The following SLC2A12 variants were observed in gnomAD, a reference collection of about 807,000 sequenced individuals.
SLC2A12 encodes the protein solute carrier family 2, facilitated glucose transporter member 12.
Under a neutral mutation model 41.8 loss-of-function variants are expected in SLC2A12, and 23 were observed. The ratio of observed to expected loss-of-function variants is 0.55; its 90% CI spans 0.40 to 0.78. The LOEUF is 0.78. SLC2A12 is among the 30% of genes least tolerant of loss of function. The pLI is 0.00. For missense variants in SLC2A12, 654 were observed against 745.6 expected (o/e 0.88, Z 1.43); for synonymous variants, 295 against 285.9 (o/e 1.03, Z -0.32).
chr6:134,008,307 A>G (rs751710123), intron 2 of SLC2A12, among the ~76,000 whole-genome samples: 3 of 152,240 alleles, frequency 2.0e-5, no homozygotes, highest in Non-Finnish European at 2.9e-5. Context: ...TGCTGCTTTA[A>G]AAGAAGAAAA....
chr6:134,037,700 AC>A (rs1233309318), intron 1 of SLC2A12, among the ~76,000 whole-genome samples: 5 of 152,066 alleles, frequency 3.3e-5, no homozygotes, highest in Admixed American at 1.3e-4. Flanking sequence ...CCAAGGTTTT[AC>A]AGCACCCTGG....
intron 2 of SLC2A12, among the ~76,000 whole-genome samples, chr6:134,016,984 C>G (rs1391484715): frequency 1.5e-5 from 2 of 133,140 alleles, no homozygotes; most frequent in African/African-American, 5.5e-5. Context: ...TTCCTCCAAT[C>G]TTTTTGGTAA....
rs371680880 is a variant in SLC2A12 at position 134,034,181 on chromosome 6, T to C, written c.104-4460A>G. Among the ~76,000 whole-genome samples the C allele has an allele frequency of 4.0e-4, 61 of 152,352 alleles. No homozygotes were observed. In the Middle Eastern group the frequency reaches 0.014, roughly 34 times the overall value. The stretch of plus-strand genomic sequence containing the variant: ...ATCCATCTTTCTATCTTCCTGTCTC[T>C]GGGCAATTTGCCTTTAAGAGGTTAA... On this transcript the variant is annotated intron_variant, in intron 1 of 4. Transcript: ENST00000275230.
At chr6:134,000,311 T>C (rs9493796) in intron 4 of SLC2A12, among the ~76,000 whole-genome samples, 2,263 of 152,256 alleles carry the variant, frequency 0.015, 50 homozygotes, top group African/African-American at 0.052. Context: ...TAAAAGTGTA[T>C]AAAGCACAAA....
At chr6:134,008,485 T>A (rs1776841338) in intron 2 of SLC2A12, among the ~76,000 whole-genome samples, 2 of 152,200 alleles carry the variant, frequency 1.3e-5, no homozygotes, top group Non-Finnish European at 2.9e-5. Context: ...GGAAACCGCA[T>A]GTCTGCCACA....
At chr6:134,048,105 A>C (rs77437648) in intron 1 of SLC2A12, among the ~76,000 whole-genome samples, 2,400 of 152,340 alleles carry the variant, frequency 0.016, 70 homozygotes, top group African/African-American at 0.055. Context: ...AAGAGATCCC[A>C]GAGGAGCCAT....
At chr6:134,028,280 G>A (rs1777140614) in intron 2 of SLC2A12, 101 bp downstream of exon 2, 1 of 1,442,528 alleles carries the variant, frequency 6.9e-7, no homozygotes, top group Non-Finnish European at 9.3e-7. Flanking sequence ...GATGACCAAT[G>A]TTATCCTTGT....
At chr6:134,032,216 A>G (rs951827806) in intron 1 of SLC2A12, among the ~76,000 whole-genome samples, 2 of 151,828 alleles carry the variant, frequency 1.3e-5, no homozygotes, top group African/African-American at 4.8e-5. Flanking sequence ...AAATAAGGGG[A>G]AAAAAGCACT....
At chr6:134,052,227 G>T in intron 1 of SLC2A12, 151 bp downstream of exon 1, 1 of 597,504 alleles carries the variant, frequency 1.7e-6, no homozygotes. Flanking sequence ...CTCATCCAGC[G>T]CGCCCACATG....
At chr6:133,998,770 G>A (rs1776723220) in intron 4 of SLC2A12, among the ~76,000 whole-genome samples, 1 of 152,130 alleles carries the variant, frequency 6.6e-6, no homozygotes. Flanking sequence ...CAAACTCCTG[G>A]GTTCAAGCGT....
At chr6:134,016,314 T>TA (rs1776961875) in intron 2 of SLC2A12, among the ~76,000 whole-genome samples, 1 of 151,950 alleles carries the variant, frequency 6.6e-6, no homozygotes, top group Non-Finnish European at 1.5e-5. Flanking sequence ...ATAAATAAGA[T>TA]AATGTCTCCA....
chr6:133,991,196 A>G lies in SLC2A12; in HGVS notation c.1813T>C (p.Cys605Arg), dbSNP rs1776617848. The change falls in exon 5 of 5, where the codon TGT (cysteine) becomes CGT (arginine). Residue 605 changes from cysteine (C) to arginine (R), a missense_variant. Cys to Arg is a radical substitution (Grantham distance 180). Coordinates refer to ENST00000275230, the MANE Select transcript of SLC2A12 (RefSeq NM_145176.3). ...AGCTGCCTGGATTGGCCCCTACCAC[A>G]CAGCTTGTTACACTCCAAGAGCTGC... ...QEQLLECNKL[C>R]GRGQSRQLSP... 1 of 1,613,880 alleles carries G rather than the reference A, an allele frequency of 6.2e-7. No individual in the cohort carries two copies. The highest frequency in any genetic ancestry group is 1.3e-5 in the African/African-American group (1 of 74,900).
intron 2 of SLC2A12, among the ~76,000 whole-genome samples, chr6:134,015,409 T>C (rs1195195662): frequency 6.6e-6 from 1 of 152,120 alleles, no homozygotes; most frequent in East Asian, 1.9e-4. Flanking sequence ...CAAACGACCA[T>C]GGCACACGTT....
intron 1 of SLC2A12, among the ~76,000 whole-genome samples, chr6:134,047,055 G>A (rs1391581081): frequency 1.3e-5 from 2 of 152,176 alleles, no homozygotes; most frequent in Non-Finnish European, 2.9e-5. Flanking sequence ...AAGGGAAGAA[G>A]GGATGAAAAA....
chr6:134,015,070 C>T (rs1411477060), intron 2 of SLC2A12, among the ~76,000 whole-genome samples: 4 of 152,082 alleles, frequency 2.6e-5, no homozygotes, highest in Non-Finnish European at 5.9e-5. Flanking sequence ...CCTAAATGAC[C>T]TTTGACTTAA....
chr6:134,027,001 A>G (rs1332555089), intron 2 of SLC2A12, among the ~76,000 whole-genome samples: 1 of 152,224 alleles, frequency 6.6e-6, no homozygotes, highest in Non-Finnish European at 1.5e-5. Flanking sequence ...AGGAGAGGAC[A>G]TATCAGCCAT....
At chr6:134,027,453 G>T (rs1777128782) in intron 2 of SLC2A12, among the ~76,000 whole-genome samples, 1 of 152,138 alleles carries the variant, frequency 6.6e-6, no homozygotes, top group Non-Finnish European at 1.5e-5. Context: ...CCAACTTTGT[G>T]ATAGAGAGGG....
intron 4 of SLC2A12, among the ~76,000 whole-genome samples, chr6:134,000,110 G>T (rs184396781): frequency 6.6e-6 from 1 of 152,124 alleles, no homozygotes. Context: ...TTAGTCCAAG[G>T]ATATAGCCAG....
chr6:134,013,580 C>A (rs115070150), intron 2 of SLC2A12, among the ~76,000 whole-genome samples: 1,631 of 152,004 alleles, frequency 0.011, 29 homozygotes, highest in African/African-American at 0.037. Context: ...TGATACATTT[C>A]TACTTTTTAA....
Sources: gnomAD v4.1 joint callset for allele counts (sites outside exome capture counted in the v4.1 genomes callset) on GRCh38, gnomAD v4.1.1 for gene constraint, MANE v1.5 for transcripts, NCBI Gene and HGNC (gene_info 2026-07-23, HGNC 2026-07-21) for gene names.